Variants in GOLM2 observed in about 807,000 individuals in gnomAD.
The protein encoded by GOLM2 is golgi membrane protein 2.
GOLM2 carries 26 observed loss-of-function variants against 55.9 expected under a neutral mutation model. The observed-to-expected ratio is 0.47, with a 90% CI of 0.34 to 0.65. The LOEUF is 0.65. Among genes scored for constraint, GOLM2 ranks in the 30% least tolerant of loss-of-function variants. The pLI, the probability that GOLM2 is intolerant of heterozygous loss-of-function variation, is 0.01. For missense variants in GOLM2, 486 were observed against 531.8 expected (o/e 0.91, Z 0.85); for synonymous variants, 165 against 194.6 (o/e 0.85, Z 1.27).
At chr15:44,380,667 A>T in intron 7 of GOLM2, 139 bp from the exon 8 acceptor site, 6 of 378,740 alleles carry the variant, frequency 1.6e-5, no homozygotes, top group East Asian at 5.4e-5. Flanking sequence ...TAAACCTTTA[A>T]AAAAAAAAAA....
chr15:44,354,047 T>A (rs2079181571), intron 6 of GOLM2, among the ~76,000 whole-genome samples: 1 of 152,062 alleles, frequency 6.6e-6, no homozygotes, highest in Non-Finnish European at 1.5e-5. Context: ...CATAAATATA[T>A]ACACCTACCA....
chr15:44,289,355 A>C lies in GOLM2; in HGVS notation c.326A>C (p.Lys109Thr). ...EGLGKRCEDD[K>T]VKLQNNISYQ... ...CTCGGGAAGAGATGCGAGGATGACA[A>C]GGTAAGGACGACCCTTTTCTCTTCA... The change falls in exon 1 of 10, where the codon AAG becomes ACG. Residue 109 changes from lysine to threonine, a missense_variant and splice_region_variant. Transcript: ENST00000299957. This position sits in a 1 kb window ranked among gnomAD's most constrained non-coding sequence, Gnocchi z 4.8. 6.2e-7 allele frequency: 1 copy of C among 1,610,022 alleles called. No individual in the cohort carries two copies. Among genetic ancestry groups the C allele is most frequent in the Non-Finnish European group, 8.5e-7 (1 of 1,178,214 alleles).
chr15:44,385,071 T>G (rs1352620148), intron 8 of GOLM2, among the ~76,000 whole-genome samples: 1 of 152,218 alleles, frequency 6.6e-6, no homozygotes, highest in African/African-American at 2.4e-5. Flanking sequence ...TACATTTTGT[T>G]TATTCATCTG....
At chr15:44,407,596 GA>G (rs2079606117) in intron 9 of GOLM2, among the ~76,000 whole-genome samples, 1 of 151,436 alleles carries the variant, frequency 6.6e-6, no homozygotes, top group Admixed American at 6.6e-5. Context: ...TTTTTGCCCC[GA>G]ATTCTTGCTT....
chr15:44,323,107 G>A (rs7167752), intron 2 of GOLM2, 88 bp downstream of exon 2: 31,601 of 842,660 alleles, frequency 0.038, 1,154 homozygotes, highest in East Asian at 0.16. Context: ...AATTAGCCTA[G>A]TGAAATACAA....
rs993552327 is a variant in GOLM2 at position 44,330,150 on chromosome 15, T to C, written c.485+1363T>C. Among the ~76,000 whole-genome samples, 5 of 137,226 alleles carry C rather than the reference T, an allele frequency of 3.6e-5. 1 individual carries two copies. In the South Asian group the frequency reaches 7.1e-4, roughly 19 times the overall value. 90.0% of individuals were successfully genotyped at this position (137,226 alleles called of 152,430 possible). A position where few individuals can be genotyped will look rare whatever the true frequency, so the allele number is the denominator to read the frequency against. On this transcript the variant is annotated intron_variant, in intron 3 of 9. Coordinates refer to ENST00000299957, the MANE Select transcript of GOLM2 (RefSeq NM_138423.4). ...TGGTCTCGATCTCCTGACCTCGTGA[T>C]CCACCCGCCTCGGCCTCCCAAAGTG... is the stretch of plus-strand genomic sequence containing the variant.
chr15:44,375,974 C>T (rs1303764647), intron 6 of GOLM2, among the ~76,000 whole-genome samples: 10 of 151,896 alleles, frequency 6.6e-5, no homozygotes, highest in Non-Finnish European at 1.2e-4. Context: ...TGGTGGCTCA[C>T]GCCTGTAATC....
intron 6 of GOLM2, among the ~76,000 whole-genome samples, chr15:44,368,809 C>T (rs988502032): frequency 6.6e-6 from 1 of 150,812 alleles, no homozygotes; most frequent in Non-Finnish European, 1.5e-5. Context: ...AAGTGGATCA[C>T]CTCTCCGTTT....
chr15:44,319,125 C>T (rs1292589533), intron 1 of GOLM2, among the ~76,000 whole-genome samples: 1 of 152,142 alleles, frequency 6.6e-6, no homozygotes, highest in Non-Finnish European at 1.5e-5. Context: ...ATTTATTTTA[C>T]GGTATTATGA....
At position 44,414,026 on chromosome 15, in the gene GOLM2, G is replaced by A. The variant is rs1424106176; in HGVS notation, c.*620G>A. ...TAATAATTGTATATTTAATAAAGAC[G>A]GGTTTCACCATGTTGGCCAGGCTGG... On this transcript the variant is annotated 3_prime_UTR_variant, in exon 10 of 10. Transcript: ENST00000299957. The A allele has an allele frequency of 2.0e-5, 3 of 152,074 alleles. No individual in the cohort carries two copies. Among genetic ancestry groups the A allele is most frequent in the South Asian group, 2.1e-4 (1 of 4,818 alleles). The allele number at this position is 152,074 out of a possible 1,614,324, so 9.4% of individuals were successfully genotyped here. A position where few individuals can be genotyped will look rare whatever the true frequency, so the allele number is the denominator to read the frequency against.
intron 6 of GOLM2, chr15:44,354,827 C>G (rs961552255): frequency 3.5e-5 from 6 of 169,974 alleles, no homozygotes; most frequent in Admixed American, 1.2e-4. Flanking sequence ...ACATGGTCTA[C>G]ATGTTCCAGT....
At chr15:44,399,529 A>G (rs535782792) in intron 8 of GOLM2, among the ~76,000 whole-genome samples, 1 of 152,340 alleles carries the variant, frequency 6.6e-6, no homozygotes, top group Non-Finnish European at 1.5e-5. Flanking sequence ...GGCTAGTCAG[A>G]TCATCAAACA....
Position 44,301,507 on chromosome 15 carries a change from A to C in GOLM2, c.327+12151A>C, listed in dbSNP as rs186850052. 7.1e-4 allele frequency among the ~76,000 whole-genome samples: 108 copies of C among 152,294 alleles called. 1 individual carries two copies. Among genetic ancestry groups the C allele is most frequent in the Admixed American group, 6.9e-3 (105 of 15,276 alleles). ...CATATCACATAGTGAATGAGTGAAC[A>C]AGACAGATATGGTATACATTGACTA... On this transcript the variant is annotated intron_variant, in intron 1 of 9. Coordinates refer to ENST00000299957, the MANE Select transcript of GOLM2 (RefSeq NM_138423.4).
rs532587601 is a variant in GOLM2, at chr15:44,324,439, A to G, written c.382+1420A>G. Among the ~76,000 whole-genome samples, 8 of 152,276 alleles carry G rather than the reference A, an allele frequency of 5.3e-5. No homozygotes were observed. The South Asian group carries it at 1.5e-3, about 28-fold the overall frequency. Reference sequence around the variant, plus strand: ...TTGAAGCTTGGGCTCTTAAATTTGAATTTAAAAATTTAAAATTGAAATTCA... The same window carrying G: ...TTGAAGCTTGGGCTCTTAAATTTGAGTTTAAAAATTTAAAATTGAAATTCA... On this transcript the variant is annotated intron_variant, in intron 2 of 9. Coordinates refer to ENST00000299957, the MANE Select transcript of GOLM2 (RefSeq NM_138423.4).
Position 44,322,945 on chromosome 15 carries a change from A to G in GOLM2, c.328-20A>G. The G allele has an allele frequency of 6.5e-7, 1 of 1,531,124 alleles. No homozygotes were observed. 94.8% of individuals were successfully genotyped at this position (1,531,124 alleles called of 1,614,324 possible). A position where few individuals can be genotyped will look rare whatever the true frequency, so the allele number is the denominator to read the frequency against. ...AAACTACATATTTTTTAGTAAAATG[A>G]GAACTTAATTTTTTTTCAGGTTAAA... is the stretch of plus-strand genomic sequence containing the variant. On this transcript the variant is annotated intron_variant, in intron 1 of 9. Coordinates refer to ENST00000299957, the MANE Select transcript of GOLM2 (RefSeq NM_138423.4).
chr15:44,370,861 A>G (rs1036211047), intron 6 of GOLM2, among the ~76,000 whole-genome samples: 2 of 152,038 alleles, frequency 1.3e-5, no homozygotes, highest in Non-Finnish European at 2.9e-5. Context: ...AAGTCTCACT[A>G]TGTTTTACAG....
intron 1 of GOLM2, among the ~76,000 whole-genome samples, chr15:44,318,236 G>GT (rs2078924771): frequency 6.6e-6 from 1 of 151,970 alleles, no homozygotes; most frequent in African/African-American, 2.4e-5. Flanking sequence ...AAAAAAAAAT[G>GT]TAACAGTCAT....
chr15:44,304,569 C>A (rs1268119189), intron 1 of GOLM2, among the ~76,000 whole-genome samples: 1 of 151,928 alleles, frequency 6.6e-6, no homozygotes, highest in Non-Finnish European at 1.5e-5. Context: ...ATTTCTAGTT[C>A]TCTCTCTTTC....
intron 1 of GOLM2, among the ~76,000 whole-genome samples, chr15:44,317,386 G>GT (rs1232917787): frequency 6.6e-6 from 1 of 151,964 alleles, no homozygotes; most frequent in Admixed American, 6.6e-5. Flanking sequence ...CAAAAAAAGT[G>GT]TTTTTTTAAA....
Sources: gnomAD v4.1 joint callset for allele counts (sites outside exome capture counted in the v4.1 genomes callset) on GRCh38, gnomAD v4.1.1 for gene constraint, Gnocchi (gnomAD v3.1) non-coding constraint, MANE v1.5 for transcripts, NCBI Gene and HGNC (gene_info 2026-07-23, HGNC 2026-07-21) for gene names.